Variants in SAMMSON observed in about 807,000 individuals in gnomAD.
SAMMSON encodes the protein long intergenic non-protein coding RNA 1212.
At chr3:70,238,379 C>A (rs1394897085) in intron 4 of SAMMSON, among the ~76,000 whole-genome samples, 2 of 151,892 alleles carry the variant, frequency 1.3e-5, no homozygotes, top group Admixed American at 6.6e-5. Flanking sequence ...GAGGCTGAGG[C>A]AAGAGGATCA....
chr3:70,197,718 C>G (rs1023288163), intron 4 of SAMMSON, among the ~76,000 whole-genome samples: 1 of 152,188 alleles, frequency 6.6e-6, no homozygotes, highest in Non-Finnish European at 1.5e-5. Flanking sequence ...AATATAAATG[C>G]TTTTTAAAAT....
intron 4 of SAMMSON, among the ~76,000 whole-genome samples, chr3:70,108,883 G>T (rs928954257): frequency 2.6e-5 from 4 of 152,002 alleles, no homozygotes; most frequent in Non-Finnish European, 5.9e-5. Context: ...CCTGGCTATG[G>T]GTGTTTGTTA....
At chr3:70,362,644 T>C (rs1702881834) in intron 9 of SAMMSON, among the ~76,000 whole-genome samples, 1 of 152,108 alleles carries the variant, frequency 6.6e-6, no homozygotes, top group Admixed American at 6.6e-5. Flanking sequence ...TCCCTGGACT[T>C]GGTAAAAAAG....
intron 2 of SAMMSON, among the ~76,000 whole-genome samples, chr3:70,430,130 A>G (rs143853815): frequency 1.4e-4 from 21 of 152,292 alleles, no homozygotes; most frequent in African/African-American, 4.8e-4. Flanking sequence ...TGTTATTTTG[A>G]GATACGTTCC....
intron 7 of SAMMSON, among the ~76,000 whole-genome samples, chr3:70,343,134 A>G (rs1356441147): frequency 6.6e-6 from 1 of 152,190 alleles, no homozygotes; most frequent in Non-Finnish European, 1.5e-5. Context: ...GGAAGACAGT[A>G]CAGAGTTCCC....
chr3:70,136,429 A>G (rs2067506201), intron 4 of SAMMSON, among the ~76,000 whole-genome samples: 1 of 152,218 alleles, frequency 6.6e-6, no homozygotes, highest in Admixed American at 6.5e-5. Context: ...GCCTTTGCCA[A>G]TAGCCATCTG....
intron 4 of SAMMSON, among the ~76,000 whole-genome samples, chr3:70,196,015 A>C (rs1701174908): frequency 6.6e-6 from 1 of 152,196 alleles, no homozygotes; most frequent in South Asian, 2.1e-4. Context: ...GGTGCTGAAT[A>C]AGTACCCTCA....
intron 4 of SAMMSON, among the ~76,000 whole-genome samples, chr3:70,144,142 A>G (rs1035272992): frequency 2.6e-5 from 4 of 152,160 alleles, no homozygotes; most frequent in Non-Finnish European, 4.4e-5. Flanking sequence ...TTGTAAAGAC[A>G]TCCCATTTAA....
chr3:70,256,389 T>G (rs1295394452), intron 6 of SAMMSON, among the ~76,000 whole-genome samples: 1 of 152,198 alleles, frequency 6.6e-6, no homozygotes, highest in Non-Finnish European at 1.5e-5. Context: ...CTAAGATTCC[T>G]TTAAAATGCC....
chr3:70,210,033 A>G (rs1166071276), intron 4 of SAMMSON, among the ~76,000 whole-genome samples: 1 of 152,158 alleles, frequency 6.6e-6, no homozygotes, highest in Non-Finnish European at 1.5e-5. Flanking sequence ...AGTTCAAATT[A>G]TCACACGTAG....
intron 3 of SAMMSON, among the ~76,000 whole-genome samples, chr3:70,025,474 C>T (rs533894663): frequency 6.6e-6 from 1 of 152,254 alleles, no homozygotes; most frequent in South Asian, 2.1e-4. Flanking sequence ...AACTCCTGAC[C>T]TCAGGTGATC....
At position 70,054,541 on chromosome 3, in the gene SAMMSON, C is replaced by G. The variant is rs188100672; in HGVS notation, n.418-16935C>G. ...TGACCATTTGTCTTTAGGGTTGTGA[C>G]ATTCTTTTCTATCTGTGACTTACTC... On this transcript the variant is annotated intron_variant and non_coding_transcript_variant, in intron 3 of 9. Coordinates refer to ENST00000642114, the Ensembl canonical transcript of SAMMSON. 2.6e-5 allele frequency among the ~76,000 whole-genome samples: 4 copies of G among 152,200 alleles called. No homozygotes were observed. The East Asian group carries it at 7.8e-4, about 30-fold the overall frequency.
At position 70,019,723 on chromosome 3, in the gene SAMMSON, G is replaced by T. The variant is rs569209242; in HGVS notation, n.417+6051G>T. On this transcript the variant is annotated intron_variant and non_coding_transcript_variant, in intron 3 of 9. Transcript: ENST00000642114. Reference sequence around the variant, plus strand: ...CATGTTTTTGCAGTGTCTGGTACCGGTTGTTCCTTTCCATGTTTGTGCTTC... The same window carrying T: ...CATGTTTTTGCAGTGTCTGGTACCGTTTGTTCCTTTCCATGTTTGTGCTTC... 2.6e-5 allele frequency among the ~76,000 whole-genome samples: 4 copies of T among 152,250 alleles called. No homozygotes were observed. In the East Asian group the frequency reaches 7.7e-4, roughly 29 times the overall value.
intron 6 of SAMMSON, among the ~76,000 whole-genome samples, chr3:70,276,049 A>T (rs1034597713): frequency 1.3e-5 from 2 of 152,160 alleles, no homozygotes; most frequent in Non-Finnish European, 2.9e-5. Flanking sequence ...TTTAAAAAAA[A>T]GTATATATAC....
At chr3:70,415,435 T>C (rs1701256272) in intron 2 of SAMMSON, among the ~76,000 whole-genome samples, 1 of 152,198 alleles carries the variant, frequency 6.6e-6, no homozygotes, top group African/African-American at 2.4e-5. Context: ...TTGTACTTAA[T>C]GTCGGTGCCA....
chr3:70,369,793 A>G (rs1702951853), intron 9 of SAMMSON, among the ~76,000 whole-genome samples: 1 of 151,806 alleles, frequency 6.6e-6, no homozygotes, highest in Non-Finnish European at 1.5e-5. Context: ...CACCTCAAGT[A>G]TTTATCATTT....
At chr3:70,147,588 C>A (rs2067554495) in intron 4 of SAMMSON, among the ~76,000 whole-genome samples, 1 of 151,980 alleles carries the variant, frequency 6.6e-6, no homozygotes, top group African/African-American at 2.4e-5. Flanking sequence ...AGTCTTGGAA[C>A]AATGGAAAAA....
intron 6 of SAMMSON, among the ~76,000 whole-genome samples, chr3:70,260,932 G>A (rs1701860142): frequency 6.6e-6 from 1 of 152,054 alleles, no homozygotes; most frequent in Admixed American, 6.6e-5. Flanking sequence ...TGGAGAAACT[G>A]AGTCCAGGGA....
intron 3 of SAMMSON, among the ~76,000 whole-genome samples, chr3:70,031,486 G>A (rs1272011980): frequency 6.6e-6 from 1 of 152,156 alleles, no homozygotes; most frequent in Non-Finnish European, 1.5e-5. Flanking sequence ...CATTGTGAAT[G>A]CACTTAGTGC....
Sources: gnomAD v4.1 joint callset for allele counts (sites outside exome capture counted in the v4.1 genomes callset) on GRCh38, gnomAD v4.1.1 for gene constraint, MANE v1.5 for transcripts, NCBI Gene and HGNC (gene_info 2026-07-23, HGNC 2026-07-21) for gene names.